PTPRE: variants seen among roughly 807,000 people sequenced by gnomAD.
PTPRE encodes protein tyrosine phosphatase receptor type E.
A neutral mutation model predicts 102.0 loss-of-function variants in PTPRE; 51 were observed. The observed-to-expected ratio is 0.50, with a 90% CI of 0.40 to 0.63. The LOEUF is 0.63. Ranked by LOEUF, PTPRE falls within the 30% of genes least tolerant of loss-of-function variation. The pLI is 0.00. For synonymous variants in PTPRE, 345 were observed against 348.2 expected (o/e 0.99, Z 0.10); for missense variants, 752 against 915.1 (o/e 0.82, Z 2.30).
chr10:127,954,764 T>C (rs545712742), intron 1 of PTPRE, among the ~76,000 whole-genome samples: 1 of 152,148 alleles, frequency 6.6e-6, no homozygotes, highest in African/African-American at 2.4e-5. Flanking sequence ...TAGCCGGGAT[T>C]CACAGGTCCA....
At chr10:128,077,844 C>T in intron 19 of PTPRE, 61 bp downstream of exon 19, 1 of 1,529,516 alleles carries the variant, frequency 6.5e-7, no homozygotes. Context: ...CCCCCAGTAC[C>T]CGCAGCTGTG....
intron 1 of PTPRE, among the ~76,000 whole-genome samples, chr10:127,912,572 T>G (rs573565053): frequency 6.6e-6 from 1 of 152,346 alleles, no homozygotes; most frequent in African/African-American, 2.4e-5. Context: ...AAACGTGTTT[T>G]GGGCAGGTGC....
intron 10 of PTPRE, among the ~76,000 whole-genome samples, chr10:128,064,468 C>T (rs1291067672): frequency 2.0e-5 from 3 of 152,212 alleles, no homozygotes; most frequent in African/African-American, 4.8e-5. Flanking sequence ...TGCGCTGTAG[C>T]GGCCATGGAG....
intron 2 of PTPRE, among the ~76,000 whole-genome samples, chr10:128,002,597 C>T (rs1369664274): frequency 2.7e-5 from 4 of 149,336 alleles, no homozygotes; most frequent in African/African-American, 9.9e-5. Context: ...ATGGCGCAGG[C>T]TCAGGCAGCC....
intron 1 of PTPRE, among the ~76,000 whole-genome samples, chr10:127,909,394 T>G (rs528764230): frequency 1.3e-5 from 2 of 152,260 alleles, no homozygotes; most frequent in South Asian, 4.2e-4. Flanking sequence ...TCCACTGTGC[T>G]CCATCTGCAC....
chr10:128,007,217 T>C (rs1042335059), intron 2 of PTPRE, among the ~76,000 whole-genome samples: 34 of 152,212 alleles, frequency 2.2e-4, no homozygotes, highest in East Asian at 3.9e-4. Flanking sequence ...GAGACCTGGG[T>C]GGGGGAAAAA....
intron 1 of PTPRE, among the ~76,000 whole-genome samples, chr10:127,941,730 C>G (rs946467768): frequency 2.0e-5 from 3 of 152,160 alleles, no homozygotes; most frequent in South Asian, 2.1e-4. Flanking sequence ...GATCTCCATT[C>G]CCCTGCTCTT....
At chr10:127,960,501 C>T (rs1175083335) in intron 1 of PTPRE, among the ~76,000 whole-genome samples, 1 of 152,178 alleles carries the variant, frequency 6.6e-6, no homozygotes, top group Non-Finnish European at 1.5e-5. Flanking sequence ...CAGCACTCAG[C>T]TCTGGCAGCC....
intron 2 of PTPRE, among the ~76,000 whole-genome samples, chr10:128,029,198 G>T (rs1401030982): frequency 1.3e-5 from 2 of 152,156 alleles, no homozygotes; most frequent in Non-Finnish European, 2.9e-5. Flanking sequence ...GGCCCCAGCT[G>T]GGGGCAGAGC....
At chr10:127,985,023 C>T (rs1479335820) in intron 2 of PTPRE, among the ~76,000 whole-genome samples, 1 of 152,210 alleles carries the variant, frequency 6.6e-6, no homozygotes, top group Non-Finnish European at 1.5e-5. Flanking sequence ...GAACTTATTG[C>T]TCACTTGTGG....
chr10:128,049,457 G>T, intron 5 of PTPRE, 73 bp from the exon 6 acceptor site: 1 of 1,540,874 alleles, frequency 6.5e-7, no homozygotes, highest in Non-Finnish European at 8.9e-7. Context: ...GAATGTCGTT[G>T]GTCAGCTTGG....
intron 1 of PTPRE, among the ~76,000 whole-genome samples, chr10:127,932,865 A>G (rs567080231): frequency 8.5e-5 from 13 of 152,330 alleles, no homozygotes; most frequent in African/African-American, 3.1e-4. Context: ...TATTGGCAGA[A>G]TGCAGTTCCT....
rs764689719 is a variant in PTPRE, at chr10:128,056,322, A to T, written c.511+109A>T. 23 of 879,070 alleles carry T rather than the reference A, an allele frequency of 2.6e-5. 1 individual carries two copies. In the Middle Eastern group the frequency reaches 1.6e-3, roughly 61 times the overall value. 54.5% of individuals were successfully genotyped at this position (879,070 alleles called of 1,614,324 possible). A position where few individuals can be genotyped will look rare whatever the true frequency, so the allele number is the denominator to read the frequency against. ...CCATTCCTGGTGCTCAGAGGCCCCAAATCAGTCTAACTGCTCAGCATTTGC... is the reference window on the plus strand; with the variant it reads ...CCATTCCTGGTGCTCAGAGGCCCCATATCAGTCTAACTGCTCAGCATTTGC... On this transcript the variant is annotated intron_variant, in intron 7 of 20. Transcript: ENST00000254667.
intron 9 of PTPRE, 22 bp from the exon 10 acceptor site, chr10:128,063,061 C>G: frequency 6.2e-7 from 1 of 1,613,396 alleles, no homozygotes; most frequent in Non-Finnish European, 8.5e-7. Context: ...CTTTTGACTT[C>G]GAAATTGTCC....
intron 1 of PTPRE, among the ~76,000 whole-genome samples, chr10:127,916,811 AC>A (rs369151695): frequency 8.6e-5 from 13 of 152,036 alleles, no homozygotes; most frequent in African/African-American, 3.1e-4. Flanking sequence ...TTAAATTATG[AC>A]CCCCTTTGTG....
intron 6 of PTPRE, among the ~76,000 whole-genome samples, chr10:128,051,659 C>T (rs531424956): frequency 2.6e-5 from 4 of 152,348 alleles, no homozygotes; most frequent in East Asian, 1.9e-4. Flanking sequence ...TTTGGGGGCA[C>T]CCCATTAAAT....
intron 1 of PTPRE, among the ~76,000 whole-genome samples, chr10:127,951,957 A>G (rs1217810201): frequency 6.6e-6 from 1 of 152,222 alleles, no homozygotes; most frequent in African/African-American, 2.4e-5. Flanking sequence ...GCTTGAGGAA[A>G]TTAACACATC....
chr10:128,076,825 C>T (rs1851245526), intron 18 of PTPRE, 97 bp downstream of exon 18: 1 of 1,528,226 alleles, frequency 6.5e-7, no homozygotes, highest in African/African-American at 1.4e-5. Flanking sequence ...TGGCCCTGCA[C>T]CTGTCCTGCT....
intron 1 of PTPRE, among the ~76,000 whole-genome samples, chr10:127,912,746 G>A (rs1292332479): frequency 3.3e-5 from 5 of 152,202 alleles, no homozygotes; most frequent in South Asian, 4.1e-4. Flanking sequence ...TGACTCTGTC[G>A]TCAGCTCCCA....
Sources: gnomAD v4.1 joint callset for allele counts (sites outside exome capture counted in the v4.1 genomes callset) on GRCh38, gnomAD v4.1.1 for gene constraint, MANE v1.5 for transcripts, NCBI Gene and HGNC (gene_info 2026-07-23, HGNC 2026-07-21) for gene names.